Variants in NCOA2 observed in about 807,000 individuals in gnomAD.
NCOA2 encodes the protein nuclear receptor coactivator 2.
A neutral mutation model predicts 145.1 loss-of-function variants in NCOA2; 21 were observed. The observed-to-expected ratio is 0.14, with a 90% CI of 0.10 to 0.21. NCOA2 has a LOEUF of 0.21. Ranked by LOEUF, NCOA2 falls within the 10% of genes least tolerant of loss-of-function variation. The probability of loss-of-function intolerance (pLI) is 1.00; values close to 1 mark genes in which losing one functional copy is unlikely to be tolerated. For synonymous variants in NCOA2, 619 were observed against 637.5 expected, an observed-to-expected ratio of 0.97 and a Z score of 0.44; for missense variants, 1,472 against 1,837.6, an observed-to-expected ratio of 0.80 and a Z score of 3.64.
chr8:70,314,180 C>CAAAAAAAAAAAAAAAAAA (rs61028027), intron 1 of NCOA2, among the ~76,000 whole-genome samples: 14 of 17,200 alleles, frequency 8.1e-4, no homozygotes, highest in African/African-American at 1.3e-3. Context: ...ACTCTGACTC[C>CAAAAAAAAAAAAAAAAAA]AAAAAAAAAA....
chr8:70,121,933 T>C (rs1055344229), intron 21 of NCOA2, among the ~76,000 whole-genome samples: 4 of 152,370 alleles, frequency 2.6e-5, no homozygotes, highest in Middle Eastern at 3.4e-3. Flanking sequence ...AGAATAATGA[T>C]TTTTGTAGGA....
the NCOA2 span, among the ~76,000 whole-genome samples, chr8:70,423,188 T>C: frequency 2.6e-5 from 4 of 152,234 alleles, no homozygotes; most frequent in South Asian, 4.2e-4. Flanking sequence ...TTTGTTTTGT[T>C]TTGTTTTGTT....
At chr8:70,174,146 C>A (rs1403299430) in intron 5 of NCOA2, among the ~76,000 whole-genome samples, 1 of 152,078 alleles carries the variant, frequency 6.6e-6, no homozygotes, top group Non-Finnish European at 1.5e-5. Context: ...AAGCACTTGG[C>A]GTTTAGTACT....
chr8:70,111,526 C>G lies in NCOA2; in HGVS notation c.*2106G>C. On this transcript the variant is annotated 3_prime_UTR_variant, in exon 23 of 23. Transcript: ENST00000452400. ...AATGGTTTGGTGGAGAAAAGTAGAG[C>G]CTTTTGAGGGGATATATGAACTGGT... The G allele has an allele frequency of 4.6e-6, 1 of 217,486 alleles. No individual in the cohort carries two copies. The highest frequency in any genetic ancestry group is 6.8e-5 in the East Asian group (1 of 14,742). 13.5% of individuals were successfully genotyped at this position (217,486 alleles called of 1,614,324 possible).
chr8:70,111,154 T>C lies in NCOA2; in HGVS notation c.*2478A>G, dbSNP rs118135766. On this transcript the variant is annotated 3_prime_UTR_variant, in exon 23 of 23. Transcript: ENST00000452400. ...CATCTCTTTTCCTTCAAAACAGCAATGATCACGAATTATTATAAATTACCA... is the reference window on the plus strand; with the variant it reads ...CATCTCTTTTCCTTCAAAACAGCAACGATCACGAATTATTATAAATTACCA... 0.012 allele frequency: 2,572 copies of C among 221,160 alleles called. 28 individuals are homozygous for C. The highest frequency in any genetic ancestry group is 0.04 in the South Asian group (216 of 5,440). 13.7% of individuals were successfully genotyped at this position (221,160 alleles called of 1,614,324 possible).
chr8:70,335,798 T>C (rs770819261), intron 1 of NCOA2, among the ~76,000 whole-genome samples: 27 of 152,180 alleles, frequency 1.8e-4, no homozygotes, highest in Admixed American at 9.2e-4. Flanking sequence ...CAAACCTAGA[T>C]GGTGGAGCCT....
chr8:70,224,238 A>C (rs1316248544), intron 2 of NCOA2, among the ~76,000 whole-genome samples: 1 of 152,246 alleles, frequency 6.6e-6, no homozygotes, highest in East Asian at 1.9e-4. Context: ...AAGCTATTAA[A>C]TAAGACACCA....
rs781379639 is a variant in NCOA2, at chr8:70,274,293, TTC to T, written c.-20+22449_-20+22450del. Among the ~76,000 whole-genome samples the T allele has an allele frequency of 9.9e-5, 15 of 152,212 alleles. No individual in the cohort carries two copies. The South Asian group carries it at 3.1e-3, about 32-fold the overall frequency. On this transcript the variant is annotated intron_variant, in intron 2 of 22. Transcript: ENST00000452400. ...TTTTTTGGTTAAAAGTGCTTGGTGG[TTC>T]TCTGATACATATGAGCACCTGAAAA...
chr8:70,367,971 T>C (rs186746968), intron 1 of NCOA2, among the ~76,000 whole-genome samples: 3 of 152,324 alleles, frequency 2.0e-5, no homozygotes, highest in Admixed American at 2.0e-4. Context: ...AAGTAGACAC[T>C]GTAGGAATGA....
At chr8:70,349,810 A>T (rs1809008266) in intron 1 of NCOA2, among the ~76,000 whole-genome samples, 1 of 152,104 alleles carries the variant, frequency 6.6e-6, no homozygotes, top group Admixed American at 6.6e-5. Context: ...TTCAGTCTAT[A>T]TCCCATCTTA....
chr8:70,186,329 T>C (rs1045860341), intron 4 of NCOA2, among the ~76,000 whole-genome samples: 3 of 152,194 alleles, frequency 2.0e-5, no homozygotes, highest in Admixed American at 6.5e-5. Context: ...CAGCTTAATT[T>C]TGAATTCACA....
chr8:70,411,085 T>C, the NCOA2 span, among the ~76,000 whole-genome samples: 1 of 152,224 alleles, frequency 6.6e-6, no homozygotes, highest in African/African-American at 2.4e-5. Context: ...AACAAAGTAC[T>C]ATTAGCATTT....
intron 1 of NCOA2, among the ~76,000 whole-genome samples, chr8:70,375,635 T>C (rs1811598344): frequency 1.3e-5 from 2 of 152,200 alleles, no homozygotes; most frequent in African/African-American, 4.8e-5. Context: ...AGTCCACATT[T>C]GTGATACTGA....
chr8:70,349,750 A>G (rs1371219058), intron 1 of NCOA2, among the ~76,000 whole-genome samples: 4 of 152,104 alleles, frequency 2.6e-5, no homozygotes. Context: ...TTTCTTTACT[A>G]TTCTATTATG....
chr8:70,361,817 C>G (rs1222067044), intron 1 of NCOA2, among the ~76,000 whole-genome samples: 1 of 152,186 alleles, frequency 6.6e-6, no homozygotes, highest in Admixed American at 6.5e-5. Context: ...TATTTTAAGT[C>G]TATTCAGAGA....
chr8:70,233,593 C>T (rs1348241416), intron 2 of NCOA2, among the ~76,000 whole-genome samples: 1 of 152,166 alleles, frequency 6.6e-6, no homozygotes, highest in South Asian at 2.1e-4. Context: ...CAAATGCCAA[C>T]CTACAGCAAT....
chr8:70,181,900 G>C (rs927602813), intron 4 of NCOA2, among the ~76,000 whole-genome samples: 1 of 152,194 alleles, frequency 6.6e-6, no homozygotes, highest in Non-Finnish European at 1.5e-5. Context: ...CTGAAACAAT[G>C]ATGGGCAGTT....
chr8:70,400,505 A>T (rs1315913275), intron 1 of NCOA2, among the ~76,000 whole-genome samples: 4 of 152,222 alleles, frequency 2.6e-5, no homozygotes, highest in African/African-American at 9.6e-5. Context: ...GCTCTTCAGC[A>T]TACAAAAGAG....
chr8:70,380,705 A>T, intron 1 of NCOA2, among the ~76,000 whole-genome samples: 1 of 152,090 alleles, frequency 6.6e-6, no homozygotes, highest in East Asian at 1.9e-4. Context: ...ATTTTCAAGG[A>T]CTATACAGCC....
Sources: allele counts gnomAD v4.1 joint callset (sites outside exome capture counted in the v4.1 genomes callset), GRCh38; gene constraint gnomAD v4.1.1; transcripts MANE v1.5; gene names NCBI Gene and HGNC (gene_info 2026-07-23, HGNC 2026-07-21).